GALK2: variants seen among roughly 807,000 people sequenced by gnomAD.
GALK2 encodes the protein galactokinase 2.
Under a neutral mutation model 52.4 loss-of-function variants are expected in GALK2, and 36 were observed. The ratio of observed to expected loss-of-function variants is 0.69; its 90% CI spans 0.53 to 0.91. The LOEUF is 0.91. GALK2 is among the 40% of genes least tolerant of loss of function. The pLI, the probability that GALK2 is intolerant of heterozygous loss-of-function variation, is 0.00. For synonymous variants in GALK2, 176 were observed against 199.1 expected (o/e 0.88, Z 0.98); for missense variants, 579 against 559.1 (o/e 1.04, Z -0.36).
intron 1 of GALK2, among the ~76,000 whole-genome samples, chr15:49,181,501 CTTTTTT>C (rs370757144): frequency 8.8e-6 from 1 of 113,630 alleles, no homozygotes; most frequent in African/African-American, 3.3e-5. Flanking sequence ...AAAAAAAAGA[CTTTTTT>C]TTTTTTTTTT....
intron 2 of GALK2, among the ~76,000 whole-genome samples, chr15:49,205,468 C>T (rs887857643): frequency 1.3e-5 from 2 of 152,160 alleles, no homozygotes; most frequent in Non-Finnish European, 2.9e-5. Context: ...ATTTGCATTT[C>T]CCTGATCATT....
At chr15:49,197,939 T>C (rs566884025) in intron 1 of GALK2, among the ~76,000 whole-genome samples, 27 of 152,320 alleles carry the variant, frequency 1.8e-4, no homozygotes, top group Middle Eastern at 6.8e-3. Flanking sequence ...AGTTTTTTTT[T>C]CCCAGTGGTG....
chr15:49,270,829 T>C (rs950928444), intron 5 of GALK2, among the ~76,000 whole-genome samples: 1 of 152,208 alleles, frequency 6.6e-6, no homozygotes, highest in Non-Finnish European at 1.5e-5. Context: ...CTCATAGTTA[T>C]TATTATGCTA....
At chr15:49,189,106 G>A (rs2086555201) in intron 1 of GALK2, among the ~76,000 whole-genome samples, 1 of 152,092 alleles carries the variant, frequency 6.6e-6, no homozygotes. Flanking sequence ...AAATAATTTA[G>A]TTTTGGTTTG....
At chr15:49,276,308 GTGTGTT>G (rs58706711) in intron 5 of GALK2, among the ~76,000 whole-genome samples, 41,619 of 151,744 alleles carry the variant, frequency 0.27, 6,141 homozygotes, top group East Asian at 0.43. Context: ...TTTTCAGGTT[GTGTGTT>G]TGTGTTTGTG....
At chr15:49,240,320 T>G (rs1045060477) in intron 5 of GALK2, among the ~76,000 whole-genome samples, 15 of 152,190 alleles carry the variant, frequency 9.9e-5, no homozygotes, top group African/African-American at 3.6e-4. Context: ...GGTACAATTT[T>G]CAATCTGATT....
At chr15:49,285,911 T>C (rs16962281) in intron 7 of GALK2, among the ~76,000 whole-genome samples, 459 of 152,312 alleles carry the variant, frequency 3.0e-3, no homozygotes, top group African/African-American at 0.011. Context: ...AGCCACCATA[T>C]CTGAGACCTG....
intron 1 of GALK2, among the ~76,000 whole-genome samples, chr15:49,190,033 C>A (rs1250751879): frequency 6.6e-6 from 1 of 152,028 alleles, no homozygotes; most frequent in Admixed American, 6.6e-5. Flanking sequence ...TGGAATACTT[C>A]CTCAGCCTTT....
chr15:49,245,954 C>T (rs941973983), intron 5 of GALK2, among the ~76,000 whole-genome samples: 1 of 152,106 alleles, frequency 6.6e-6, no homozygotes, highest in Non-Finnish European at 1.5e-5. Flanking sequence ...TCTGTATTGA[C>T]ACCTGGTATT....
intron 1 of GALK2, among the ~76,000 whole-genome samples, chr15:49,199,689 G>A (rs758123464): frequency 1.3e-5 from 2 of 152,130 alleles, no homozygotes; most frequent in Non-Finnish European, 2.9e-5. Context: ...ACACAGAAAC[G>A]TAATCAGTTA....
intron 8 of GALK2, among the ~76,000 whole-genome samples, chr15:49,305,648 C>T (rs1184776275): frequency 4.6e-5 from 7 of 152,098 alleles, no homozygotes; most frequent in African/African-American, 1.7e-4. Context: ...ACTTAATTAA[C>T]ACAAGAAATA....
intron 3 of GALK2, among the ~76,000 whole-genome samples, chr15:49,348,706 T>C (rs1224819945): frequency 1.3e-5 from 2 of 152,206 alleles, no homozygotes; most frequent in Non-Finnish European, 2.9e-5. Context: ...ATCTGATCAA[T>C]ATTTACTTGA....
At chr15:49,365,797 C>T in intron 3 of GALK2, 1 of 860,598 alleles carries the variant, frequency 1.2e-6, no homozygotes, top group East Asian at 2.4e-5. Context: ...TATTGCTATG[C>T]ACAGTCCAGA....
At chr15:49,233,357 T>C (rs1174952757) in intron 3 of GALK2, among the ~76,000 whole-genome samples, 1 of 152,114 alleles carries the variant, frequency 6.6e-6, no homozygotes, top group African/African-American at 2.4e-5. Flanking sequence ...CATGATCCAG[T>C]CACCTCCCAC....
chr15:49,190,628 C>A (rs776433396), intron 1 of GALK2, among the ~76,000 whole-genome samples: 1 of 152,114 alleles, frequency 6.6e-6, no homozygotes, highest in African/African-American at 2.4e-5. Flanking sequence ...ATATTTGAGT[C>A]CTTGTGGATG....
At chr15:49,203,104 G>T (rs1025496808) in intron 2 of GALK2, among the ~76,000 whole-genome samples, 1 of 151,882 alleles carries the variant, frequency 6.6e-6, no homozygotes, top group African/African-American at 2.4e-5. Flanking sequence ...AGGCTGGAGT[G>T]CAGTGGCACG....
intron 3 of GALK2, among the ~76,000 whole-genome samples, chr15:49,338,936 G>A (rs1283706083): frequency 6.6e-6 from 1 of 152,056 alleles, no homozygotes; most frequent in South Asian, 2.1e-4. Flanking sequence ...TGATACTTGT[G>A]TATGCTTCAC....
At chr15:49,163,398 CA>C (rs2084718157) in intron 1 of GALK2, among the ~76,000 whole-genome samples, 1 of 152,088 alleles carries the variant, frequency 6.6e-6, no homozygotes, top group South Asian at 2.1e-4. Flanking sequence ...TCATCTTTGT[CA>C]TACCTAAGGG....
chr15:49,225,154 A>C (rs904316254), intron 3 of GALK2: 1 of 453,478 alleles, frequency 2.2e-6, no homozygotes, highest in Non-Finnish European at 4.4e-6. Context: ...CTGAGCTTTG[A>C]GGAAGCCGCC....
Sources: allele counts gnomAD v4.1 joint callset (sites outside exome capture counted in the v4.1 genomes callset), GRCh38; gene constraint gnomAD v4.1.1; transcripts MANE v1.5; gene names NCBI Gene and HGNC (gene_info 2026-07-23, HGNC 2026-07-21).